The following ERG28 variants were observed in gnomAD, a reference collection of about 807,000 sequenced individuals.
ERG28 encodes the protein ergosterol biosynthesis 28 homolog.
In ERG28, 9 loss-of-function variants were observed where a neutral mutation model predicts 15.7. That is an observed-to-expected ratio of 0.57 (90% confidence interval 0.35 to 1.00). The LOEUF (loss-of-function observed/expected upper bound fraction) is 1.00, where lower values mean the gene tolerates loss of function less well. Among genes scored for constraint, ERG28 ranks in the 50% least tolerant of loss-of-function variants. ERG28 has a pLI of 0.02. For synonymous variants in ERG28, 61 were observed against 68.4 expected, an observed-to-expected ratio of 0.89 and a Z score of 0.53; for missense variants, 117 against 173.3, an observed-to-expected ratio of 0.68 and a Z score of 1.82.
chr14:75,652,226 T>C (rs1350092567), intron 3 of ERG28, among the ~76,000 whole-genome samples: 1 of 152,184 alleles, frequency 6.6e-6, no homozygotes, highest in African/African-American at 2.4e-5. Flanking sequence ...CCAGCACGCT[T>C]ACATATTCTA....
At chr14:75,651,999 T>A in intron 3 of ERG28, 110 bp from the exon 4 acceptor site, 2 of 938,138 alleles carry the variant, frequency 2.1e-6, no homozygotes, top group Non-Finnish European at 3.3e-6. Context: ...CATTAAGACT[T>A]AAAAGAAAGG....
At chr14:75,659,871 C>A (rs1478147532) in intron 1 of ERG28, among the ~76,000 whole-genome samples, 1 of 151,844 alleles carries the variant, frequency 6.6e-6, no homozygotes, top group Non-Finnish European at 1.5e-5. Context: ...ACCGCCGCCC[C>A]CCCCCGCCAA....
At chr14:75,656,690 C>T (rs142408290) in intron 2 of ERG28, among the ~76,000 whole-genome samples, 38 of 152,342 alleles carry the variant, frequency 2.5e-4, no homozygotes, top group African/African-American at 8.2e-4. Flanking sequence ...CTACCCCACA[C>T]ATCAGCGTGA....
chr14:75,655,076 G>A, intron 2 of ERG28, 100 bp from the exon 3 acceptor site: 2 of 1,156,820 alleles, frequency 1.7e-6, no homozygotes, highest in Non-Finnish European at 2.6e-6. Context: ...ATAGGGAGCT[G>A]GACCTGACCT....
chr14:75,651,312 G>A lies in ERG28; in HGVS notation c.*243C>T, dbSNP rs1293888063. The A allele has an allele frequency of 8.9e-6, 3 of 337,718 alleles. No homozygotes were observed. Among genetic ancestry groups the A allele is most frequent in the African/African-American group, 2.1e-5 (1 of 47,532 alleles). The allele number at this position is 337,718 out of a possible 1,614,324, so 20.9% of individuals were successfully genotyped here. On this transcript the variant is annotated 3_prime_UTR_variant, in exon 5 of 5. Coordinates refer to ENST00000256319, the MANE Select transcript of ERG28 (RefSeq NM_007176.4). Reference sequence around the variant, plus strand: ...AGACACAGTGGGCTTCCGAGAAGCTGGCAATTTCTTGACTTGGATGGAGTT... The same window carrying A: ...AGACACAGTGGGCTTCCGAGAAGCTAGCAATTTCTTGACTTGGATGGAGTT...
At chr14:75,659,228 T>A (rs961643341) in intron 1 of ERG28, among the ~76,000 whole-genome samples, 4 of 152,210 alleles carry the variant, frequency 2.6e-5, no homozygotes, top group African/African-American at 9.7e-5. Flanking sequence ...CAGTGCTACC[T>A]CATTGTTTGA....
chr14:75,658,352 G>GT (rs57701138), intron 1 of ERG28, among the ~76,000 whole-genome samples: 1,886 of 150,168 alleles, frequency 0.013, 37 homozygotes, highest in African/African-American at 0.044. Flanking sequence ...CTGCCACAAG[G>GT]TTTTTTTTTT....
intron 3 of ERG28, among the ~76,000 whole-genome samples, chr14:75,652,881 T>C (rs924489740): frequency 6.9e-6 from 1 of 144,786 alleles, no homozygotes; most frequent in Non-Finnish European, 1.5e-5. Context: ...TGGAGTGCAG[T>C]GGCACAATCT....
chr14:75,656,817 C>T (rs976993321), intron 2 of ERG28, among the ~76,000 whole-genome samples: 3 of 152,076 alleles, frequency 2.0e-5, no homozygotes, highest in Non-Finnish European at 2.9e-5. Context: ...TTTTAAATAC[C>T]TTCTCAGGGA....
At position 75,660,772 on chromosome 14, in the gene ERG28, T is replaced by C. The variant is rs1427293314; in HGVS notation, c.-32+3A>G. ...TCCCTCTTCTCCCCCATATTCTCCT[T>C]ACCTGGCGACCGGGCCCCCAGCACA... On this transcript the variant is annotated splice_donor_region_variant and intron_variant, in intron 1 of 4. Coordinates refer to ENST00000256319, the MANE Select transcript of ERG28 (RefSeq NM_007176.4). 5.2e-5 allele frequency: 8 copies of C among 152,726 alleles called. No individual in the cohort carries two copies. In the Admixed American group the frequency reaches 5.2e-4, roughly 10 times the overall value. The allele number at this position is 152,726 out of a possible 1,614,324, so 9.5% of individuals were successfully genotyped here. A position where few individuals can be genotyped will look rare whatever the true frequency, so the allele number is the denominator to read the frequency against.
chr14:75,653,056 T>C (rs1390165408), intron 3 of ERG28, among the ~76,000 whole-genome samples: 1 of 151,926 alleles, frequency 6.6e-6, no homozygotes, highest in East Asian at 2.0e-4. Context: ...ACTCCTGATC[T>C]CAAGTGATCT....
In ERG28 at chr14:75,651,119, C is replaced by G; in HGVS notation, c.*436G>C. ...CAGAGAGGAGCCCAACCTGCGTGGA[C>G]AACCCCTTGAGGCAGCCCTTGGTCA... On this transcript the variant is annotated 3_prime_UTR_variant, in exon 5 of 5. Transcript: ENST00000256319. 6 of 160,398 alleles carry G rather than the reference C, an allele frequency of 3.7e-5. No homozygotes were observed. The highest frequency in any genetic ancestry group is 1.7e-4 in the South Asian group (1 of 5,990). 9.9% of individuals were successfully genotyped at this position (160,398 alleles called of 1,614,324 possible).
At chr14:75,653,357 C>G (rs1451668837) in intron 3 of ERG28, among the ~76,000 whole-genome samples, 1 of 151,710 alleles carries the variant, frequency 6.6e-6, no homozygotes, top group Non-Finnish European at 1.5e-5. Flanking sequence ...GTAATCCCAG[C>G]ACCTTGGAGG....
At position 75,650,736 on chromosome 14, in the gene ERG28, A is replaced by G. The variant is rs1890513797; in HGVS notation, c.*819T>C. 6.6e-6 allele frequency: 1 copy of G among 152,432 alleles called. No individual in the cohort carries two copies. The highest frequency in any genetic ancestry group is 2.1e-4 in the South Asian group (1 of 4,832). 9.4% of individuals were successfully genotyped at this position (152,432 alleles called of 1,614,324 possible). On this transcript the variant is annotated 3_prime_UTR_variant, in exon 5 of 5. Transcript: ENST00000256319. ...TCAAGAATACAAGAGGAATGAGCAA[A>G]TGACAGTAAGGAGCCGGAGGCAGCC...
At chr14:75,656,960 T>C (rs555522381) in intron 2 of ERG28, among the ~76,000 whole-genome samples, 47 of 152,060 alleles carry the variant, frequency 3.1e-4, no homozygotes, top group African/African-American at 1.1e-3. Context: ...TTTATGGCTT[T>C]CTTGTCAGGC....
At position 75,651,593 on chromosome 14, in the gene ERG28, C is replaced by A; in HGVS notation, c.385G>T (p.Glu129Ter). Reference sequence around the variant, plus strand: ...TTCTGTCTGGATACTGGTTCTACTTCTAGATACCGGAGCCCGACCAGCATA... The same window carrying A: ...TTCTGTCTGGATACTGGTTCTACTTATAGATACCGGAGCCCGACCAGCATA... ...LGMLVGLRYL[E>*]VEPVSRQKKR... The change falls in exon 5 of 5, where the codon GAA (glutamate) becomes TAA (stop). Residue 129 changes from glutamate (E) to a stop codon, truncating the protein, a stop_gained. Transcript: ENST00000256319. LOFTEE classifies it high-confidence loss of function. The A allele has an allele frequency of 6.2e-7, 1 of 1,613,660 alleles. No homozygotes were observed. Among genetic ancestry groups the A allele is most frequent in the Non-Finnish European group, 8.5e-7 (1 of 1,179,596 alleles).
In ERG28 at chr14:75,650,872, A is replaced by G. The variant is rs1190135306; in HGVS notation, c.*683T>C. 1 of 152,402 alleles carries G rather than the reference A, an allele frequency of 6.6e-6. No individual in the cohort carries two copies. Among genetic ancestry groups the G allele is most frequent in the East Asian group, 1.9e-4 (1 of 5,204 alleles). The allele number at this position is 152,402 out of a possible 1,614,324, so 9.4% of individuals were successfully genotyped here. A position where few individuals can be genotyped will look rare whatever the true frequency, so the allele number is the denominator to read the frequency against. Reference sequence around the variant, plus strand: ...GGCAGCCATGCTCTTGTCTTAGCAGAGGTCAAAGTACAAGAACTGATCAGA... The same window carrying G: ...GGCAGCCATGCTCTTGTCTTAGCAGGGGTCAAAGTACAAGAACTGATCAGA... On this transcript the variant is annotated 3_prime_UTR_variant, in exon 5 of 5. Transcript: ENST00000256319.
intron 3 of ERG28, among the ~76,000 whole-genome samples, chr14:75,654,531 T>C (rs968088353): frequency 3.3e-5 from 5 of 152,198 alleles, no homozygotes; most frequent in Non-Finnish European, 5.9e-5. Flanking sequence ...TAAGGAGGAA[T>C]GTGAGAAAGG....
chr14:75,654,390 C>A (rs749619283), intron 3 of ERG28, among the ~76,000 whole-genome samples: 7 of 152,176 alleles, frequency 4.6e-5, no homozygotes, highest in South Asian at 2.1e-4. Flanking sequence ...GTTTGAGTAC[C>A]CAAGACAGGT....
Sources: allele counts gnomAD v4.1 joint callset (sites outside exome capture counted in the v4.1 genomes callset), GRCh38; gene constraint gnomAD v4.1.1; transcripts MANE v1.5; gene names NCBI Gene and HGNC (gene_info 2026-07-23, HGNC 2026-07-21).